The following EML5 variants were observed in gnomAD, a reference collection of about 807,000 sequenced individuals.
EML5 encodes EMAP like 5.
Under a neutral mutation model 250.0 loss-of-function variants are expected in EML5, and 120 were observed. The ratio of observed to expected loss-of-function variants is 0.48; its 90% CI spans 0.41 to 0.56. The LOEUF is 0.56. Among genes scored for constraint, EML5 ranks in the 20% least tolerant of loss-of-function variants. The pLI is 0.00. For synonymous variants in EML5, 771 were observed against 806.5 expected (o/e 0.96, Z 0.75); for missense variants, 2,006 against 2,437.6 (o/e 0.82, Z 3.73).
At chr14:88,644,709 CA>C (rs2091256479) in intron 29 of EML5, 198 bp from the exon 30 acceptor site, 2 of 482,882 alleles carry the variant, frequency 4.1e-6, no homozygotes, top group Admixed American at 7.2e-5. Context: ...AACTTTTATT[CA>C]TTTTATTTTA....
At position 88,615,541 on chromosome 14, in the gene EML5, A is replaced by G; in HGVS notation, c.*277T>C. The G allele has an allele frequency of 2.8e-6, 1 of 353,238 alleles. No individual in the cohort carries two copies. Among genetic ancestry groups the G allele is most frequent in the Non-Finnish European group, 5.1e-6 (1 of 196,846 alleles). The allele number at this position is 353,238 out of a possible 1,614,324, so 21.9% of individuals were successfully genotyped here. A position where few individuals can be genotyped will look rare whatever the true frequency, so the allele number is the denominator to read the frequency against. ...TTTTCCCAGCAGGTCTGCCGAAATC[A>G]CACACTTCCCAATACAGGGGGACTT... On this transcript the variant is annotated 3_prime_UTR_variant, in exon 44 of 44. Coordinates refer to ENST00000554922, the MANE Select transcript of EML5 (RefSeq NM_183387.3).
At chr14:88,745,179 G>T (rs1212281300) in intron 3 of EML5, among the ~76,000 whole-genome samples, 267 of 151,864 alleles carry the variant, frequency 1.8e-3, no homozygotes, top group Admixed American at 2.8e-3. Context: ...GTGTGTGTGT[G>T]TGTGTGTGTG....
chr14:88,741,511 A>G (rs191006841), intron 4 of EML5, among the ~76,000 whole-genome samples: 14 of 152,272 alleles, frequency 9.2e-5, no homozygotes, highest in Admixed American at 8.5e-4. Context: ...AATTAGGTAA[A>G]TTTTTATAGT....
At chr14:88,697,069 T>A in intron 14 of EML5, 117 bp from the exon 15 acceptor site, 1 of 678,238 alleles carries the variant, frequency 1.5e-6, no homozygotes, top group Non-Finnish European at 2.2e-6. Flanking sequence ...AGAAATTTAT[T>A]AAATAAAAAT....
At chr14:88,714,514 C>A (rs536204861) in intron 9 of EML5, among the ~76,000 whole-genome samples, 1 of 152,036 alleles carries the variant, frequency 6.6e-6, no homozygotes, top group African/African-American at 2.4e-5. Flanking sequence ...GTATGATATA[C>A]CTGAAATTTG....
intron 1 of EML5, among the ~76,000 whole-genome samples, chr14:88,780,811 G>A (rs2094491015): frequency 6.6e-6 from 1 of 152,124 alleles, no homozygotes; most frequent in Non-Finnish European, 1.5e-5. Flanking sequence ...TTGACCTCGT[G>A]ATCCATCTGC....
intron 1 of EML5, among the ~76,000 whole-genome samples, chr14:88,761,566 T>C (rs1301506599): frequency 6.6e-6 from 1 of 152,222 alleles, no homozygotes; most frequent in Non-Finnish European, 1.5e-5. Context: ...ATGGTGTGTA[T>C]GTGCCACATT....
At chr14:88,708,547 T>A (rs2093354736) in intron 10 of EML5, among the ~76,000 whole-genome samples, 1 of 152,152 alleles carries the variant, frequency 6.6e-6, no homozygotes, top group Non-Finnish European at 1.5e-5. Context: ...CTTGGACTTT[T>A]GAGTTGGAAT....
chr14:88,728,548 T>C (rs969028181), intron 7 of EML5, among the ~76,000 whole-genome samples: 2 of 152,148 alleles, frequency 1.3e-5, no homozygotes, highest in Admixed American at 1.3e-4. Context: ...GAAAATATAA[T>C]TGTTATTCAT....
chr14:88,667,834 C>T (rs553819030), intron 21 of EML5, among the ~76,000 whole-genome samples: 10 of 152,168 alleles, frequency 6.6e-5, no homozygotes, highest in Non-Finnish European at 1.3e-4. Flanking sequence ...CTGCAATTTG[C>T]GGACTTCAGG....
intron 1 of EML5, among the ~76,000 whole-genome samples, chr14:88,773,392 C>A (rs537877860): frequency 6.6e-6 from 1 of 152,180 alleles, no homozygotes; most frequent in African/African-American, 2.4e-5. Flanking sequence ...GAATATCCAG[C>A]GTGGGAGGGC....
chr14:88,615,476 G>T lies in EML5; in HGVS notation c.*342C>A. 1 of 232,822 alleles carries T rather than the reference G, an allele frequency of 4.3e-6. No individual in the cohort carries two copies. Among genetic ancestry groups the T allele is most frequent in the Non-Finnish European group, 8.3e-6 (1 of 121,022 alleles). The allele number at this position is 232,822 out of a possible 1,614,324, so 14.4% of individuals were successfully genotyped here. On this transcript the variant is annotated 3_prime_UTR_variant, in exon 44 of 44. Transcript: ENST00000554922. ...AAAGATAATGAAAATTATCCAAATT[G>T]GGTTTTTGAGTTCTTCTGTAAAGAG...
At chr14:88,747,285 G>A (rs959362372) in intron 2 of EML5, among the ~76,000 whole-genome samples, 1 of 151,978 alleles carries the variant, frequency 6.6e-6, no homozygotes, top group Non-Finnish European at 1.5e-5. Flanking sequence ...GGTGACTCAC[G>A]CCTGTAATTC....
intron 17 of EML5, among the ~76,000 whole-genome samples, chr14:88,689,796 T>C (rs1433976640): frequency 2.0e-5 from 3 of 152,144 alleles, no homozygotes; most frequent in Non-Finnish European, 4.4e-5. Flanking sequence ...CACTATTCAA[T>C]GTACCAGGCA....
In EML5 at chr14:88,658,505, TA is replaced by T. The variant is rs570889876; in HGVS notation, c.3676-118del. ...ATTAATCATTTCAAGTGCAATGTGT[TA>T]AAAAAAATGAGAAAATACTGAAACT... is the stretch of plus-strand genomic sequence containing the variant. On this transcript the variant is annotated intron_variant, in intron 25 of 43. Transcript: ENST00000554922. 130 of 789,188 alleles carry T rather than the reference TA, an allele frequency of 1.6e-4. 1 individual carries two copies. The highest frequency in any genetic ancestry group is 4.4e-4 in the South Asian group (18 of 41,192). The allele number at this position is 789,188 out of a possible 1,614,324, so 48.9% of individuals were successfully genotyped here. A position where few individuals can be genotyped will look rare whatever the true frequency, so the allele number is the denominator to read the frequency against.
In EML5 at chr14:88,761,893, G is replaced by A. The variant is rs577744014; in HGVS notation, c.198-7222C>T. On this transcript the variant is annotated intron_variant, in intron 1 of 43. Coordinates refer to ENST00000554922, the MANE Select transcript of EML5 (RefSeq NM_183387.3). ...TTTTTAATGATCACCATTCTAACTC[G>A]TATGAGATGATATCATACTGTGGTT... 3.9e-5 allele frequency among the ~76,000 whole-genome samples: 6 copies of A among 152,178 alleles called. No homozygotes were observed. The East Asian group carries it at 5.8e-4, about 15-fold the overall frequency.
intron 25 of EML5, among the ~76,000 whole-genome samples, chr14:88,661,120 G>C (rs894856907): frequency 5.9e-5 from 9 of 152,070 alleles, no homozygotes; most frequent in African/African-American, 2.2e-4. Context: ...ACAGGGTTTT[G>C]CGCTGTCACC....
At chr14:88,744,428 A>G (rs1291574079) in intron 3 of EML5, among the ~76,000 whole-genome samples, 1 of 152,036 alleles carries the variant, frequency 6.6e-6, no homozygotes, top group Non-Finnish European at 1.5e-5. Flanking sequence ...CATAATTTCT[A>G]CAGAAAAGAG....
chr14:88,724,213 T>C (rs1329292537), intron 8 of EML5, among the ~76,000 whole-genome samples: 1 of 147,232 alleles, frequency 6.8e-6, no homozygotes, highest in Non-Finnish European at 1.5e-5. Flanking sequence ...AGGCGGAGGC[T>C]GCAGTGAGCC....
Sources: gnomAD v4.1 joint callset for allele counts (sites outside exome capture counted in the v4.1 genomes callset) on GRCh38, gnomAD v4.1.1 for gene constraint, MANE v1.5 for transcripts, NCBI Gene and HGNC (gene_info 2026-07-23, HGNC 2026-07-21) for gene names.